Variants in ASPRV1 observed in about 807,000 individuals in gnomAD.
The protein encoded by ASPRV1 is retroviral-like aspartic protease 1.
In ASPRV1, 7 loss-of-function variants were observed where a neutral mutation model predicts 11.0. The observed-to-expected ratio is 0.64, with a 90% CI of 0.36 to 1.20. The LOEUF (loss-of-function observed/expected upper bound fraction) is 1.20, where lower values mean the gene tolerates loss of function less well. Ranked by LOEUF, ASPRV1 falls within the 50% of genes most tolerant of loss-of-function variation. The pLI, the probability that ASPRV1 is intolerant of heterozygous loss-of-function variation, is 0.02. For synonymous variants in ASPRV1, 136 were observed against 138.4 expected, an observed-to-expected ratio of 0.98 and a Z score of 0.12; for missense variants, 299 against 320.0, an observed-to-expected ratio of 0.93 and a Z score of 0.50.
chr2:70,083,829 T>C, the ASPRV1 span: 1 of 152,200 alleles, frequency 6.6e-6, no homozygotes, highest in African/African-American at 2.4e-5. Context: ...GATCATTTAA[T>C]CTCTTGCTTT....
At chr2:70,047,069 G>T in the ASPRV1 span, among the ~76,000 whole-genome samples, 1 of 152,124 alleles carries the variant, frequency 6.6e-6, no homozygotes, top group East Asian at 1.9e-4. Flanking sequence ...CCAAGAGTTT[G>T]AACTTTCCAG....
At chr2:70,006,508 G>A in the ASPRV1 span, among the ~76,000 whole-genome samples, 1 of 152,170 alleles carries the variant, frequency 6.6e-6, no homozygotes, top group Admixed American at 6.5e-5. Flanking sequence ...AGGGTACAGG[G>A]GCAGCCTTCT....
the ASPRV1 span, among the ~76,000 whole-genome samples, chr2:70,084,761 GTTTT>G: frequency 2.6e-5 from 4 of 152,112 alleles, no homozygotes; most frequent in Middle Eastern, 3.4e-3. Context: ...TTTCTTAGTG[GTTTT>G]TTTAAAAATG....
chr2:70,063,402 C>T, the ASPRV1 span, among the ~76,000 whole-genome samples: 1 of 152,262 alleles, frequency 6.6e-6, no homozygotes, highest in East Asian at 1.9e-4. Flanking sequence ...ATACTCTCTC[C>T]CCAAAATTCA....
the ASPRV1 span, among the ~76,000 whole-genome samples, chr2:69,949,303 G>A: frequency 6.6e-6 from 1 of 152,222 alleles, no homozygotes; most frequent in South Asian, 2.1e-4. Context: ...ATGAACGAAC[G>A]AATTAACACT....
chr2:69,952,704 G>T, the ASPRV1 span, among the ~76,000 whole-genome samples: 1 of 152,142 alleles, frequency 6.6e-6, no homozygotes, highest in Non-Finnish European at 1.5e-5. Flanking sequence ...TGTGTGGGTT[G>T]TTTGGTGCAT....
At chr2:69,987,004 C>A in the ASPRV1 span, among the ~76,000 whole-genome samples, 789 of 152,248 alleles carry the variant, frequency 5.2e-3, 7 homozygotes, top group African/African-American at 0.018. Flanking sequence ...GAAAGCCCTG[C>A]AGAGGATGTG....
At chr2:70,012,123 A>G in the ASPRV1 span, 1 of 151,646 alleles carries the variant, frequency 6.6e-6, no homozygotes, top group African/African-American at 2.4e-5. Flanking sequence ...CTGGGTCCCC[A>G]AGACCCTTCC....
chr2:69,943,825 T>G, the ASPRV1 span, among the ~76,000 whole-genome samples: 1 of 152,168 alleles, frequency 6.6e-6, no homozygotes, highest in East Asian at 1.9e-4. Flanking sequence ...TCTTCCTGTT[T>G]TTGTTACACC....
chr2:69,956,108 G>A (rs746602678), downstream of ASPRV1, among the ~76,000 whole-genome samples: 6 of 152,164 alleles, frequency 3.9e-5, no homozygotes, highest in Admixed American at 6.5e-5. Context: ...ATGGGGACAC[G>A]TCCCAAGGAG....
the ASPRV1 span, among the ~76,000 whole-genome samples, chr2:70,054,533 C>T: frequency 2.8e-4 from 39 of 137,584 alleles, no homozygotes; most frequent in Non-Finnish European, 4.9e-4. Flanking sequence ...GCCGAGATCG[C>T]GCCACTGCAC....
chr2:69,968,560 A>G, the ASPRV1 span: 1 of 152,222 alleles, frequency 6.6e-6, no homozygotes, highest in Non-Finnish European at 1.5e-5. Context: ...TGGTCCATAA[A>G]ATAAGATTGG....
chr2:70,077,052 A>T, the ASPRV1 span, among the ~76,000 whole-genome samples: 1 of 152,214 alleles, frequency 6.6e-6, no homozygotes, highest in Non-Finnish European at 1.5e-5. Context: ...GTGTCAAAGC[A>T]GGAGGTCCGA....
chr2:69,987,569 G>T, the ASPRV1 span, among the ~76,000 whole-genome samples: 1 of 130,904 alleles, frequency 7.6e-6, no homozygotes, highest in African/African-American at 3.0e-5. Context: ...AACAAAGTGA[G>T]ACCTCATCTC....
the ASPRV1 span, chr2:69,935,378 G>C: frequency 6.2e-7 from 1 of 1,614,002 alleles, no homozygotes; most frequent in South Asian, 1.1e-5. Flanking sequence ...TGTGCCTGGA[G>C]AAGTTGAAGG....
chr2:69,964,243 C>G, upstream of ASPRV1: 1 of 387,748 alleles, frequency 2.6e-6, no homozygotes, highest in Non-Finnish European at 5.1e-6. Context: ...TGGCCCCATC[C>G]TTCCCCACAA....
the ASPRV1 span, chr2:70,086,353 T>G: frequency 5.9e-5 from 9 of 152,234 alleles, no homozygotes; most frequent in Non-Finnish European, 7.3e-5. Context: ...CCTGAGAGAT[T>G]GTGAAGCACG....
chr2:69,971,945 G>T, the ASPRV1 span, among the ~76,000 whole-genome samples: 8 of 152,188 alleles, frequency 5.3e-5, no homozygotes, highest in African/African-American at 1.9e-4. Flanking sequence ...TCCTAGGATT[G>T]TCCTGGGAGA....
the ASPRV1 span, among the ~76,000 whole-genome samples, chr2:70,033,497 AC>A: frequency 6.6e-6 from 1 of 151,332 alleles, no homozygotes; most frequent in African/African-American, 2.4e-5. Context: ...TTAGCTCTCC[AC>A]TCCCTTTTCT....
Sources: allele counts gnomAD v4.1 joint callset (sites outside exome capture counted in the v4.1 genomes callset), GRCh38; gene constraint gnomAD v4.1.1; transcripts MANE v1.5; gene names NCBI Gene and HGNC (gene_info 2026-07-23, HGNC 2026-07-21).